CAST: variants seen among roughly 807,000 people sequenced by gnomAD.
The protein encoded by CAST is MIR583 host.
Under a neutral mutation model 119.6 loss-of-function variants are expected in CAST, and 76 were observed. That is an observed-to-expected ratio of 0.64 (90% CI 0.53 to 0.77). The LOEUF is 0.77. CAST is among the 30% of genes least tolerant of loss of function. CAST has a pLI of 0.00. For synonymous variants in CAST, 319 were observed against 331.6 expected (o/e 0.96, Z 0.41); for missense variants, 953 against 946.5 (o/e 1.01, Z -0.09).
chr5:96,742,442 T>C (rs1762884683), intron 15 of CAST: 7 of 542,168 alleles, frequency 1.3e-5, no homozygotes, highest in Admixed American at 9.7e-5. Flanking sequence ...ACGCTGTTAC[T>C]GTAGAAACGT....
the CAST span, among the ~76,000 whole-genome samples, chr5:96,376,712 C>T: frequency 5.9e-3 from 904 of 152,264 alleles, 9 homozygotes; most frequent in African/African-American, 0.02. Context: ...AGTGCTGGGA[C>T]TGCAGAAGTT....
chr5:96,214,520 A>T, the CAST span, among the ~76,000 whole-genome samples: 1 of 152,234 alleles, frequency 6.6e-6, no homozygotes, highest in Non-Finnish European at 1.5e-5. Context: ...TAAGTTCTGA[A>T]TGAATTGCAA....
chr5:96,306,112 TCTCAA>T, the CAST span, among the ~76,000 whole-genome samples: 1 of 152,174 alleles, frequency 6.6e-6, no homozygotes, highest in Non-Finnish European at 1.5e-5. Flanking sequence ...TTAATTGCTG[TCTCAA>T]TTTCAGAACT....
At chr5:96,299,692 C>A in the CAST span, among the ~76,000 whole-genome samples, 2 of 152,140 alleles carry the variant, frequency 1.3e-5, no homozygotes, top group African/African-American at 2.4e-5. Flanking sequence ...ACATCCATAG[C>A]ATGTGGTTTG....
intron 27 of CAST, among the ~76,000 whole-genome samples, chr5:96,766,613 C>G (rs989020689): frequency 6.6e-6 from 1 of 152,162 alleles, no homozygotes. Flanking sequence ...TGAAGACAGG[C>G]AAAGCAATAT....
chr5:95,971,868 A>G, the CAST span, among the ~76,000 whole-genome samples: 1 of 152,068 alleles, frequency 6.6e-6, no homozygotes, highest in Non-Finnish European at 1.5e-5. Flanking sequence ...TTTACATTAT[A>G]CCCAATTTTG....
rs152007 is a variant in CAST, at chr5:96,685,095, A to G, written c.138+9494A>G. Among the ~76,000 whole-genome samples, 111 of 151,710 alleles carry G rather than the reference A, an allele frequency of 7.3e-4. 2 individuals are homozygous for G. In the South Asian group the frequency reaches 0.023, roughly 31 times the overall value. The stretch of plus-strand genomic sequence containing the variant: ...CAACATTATATCATACAATAATAAT[A>G]TACCCTTCATTATCTTATTTTAGAT... On this transcript the variant is annotated intron_variant, in intron 2 of 31. Transcript: ENST00000675179.
chr5:96,496,863 A>AT, the CAST span, among the ~76,000 whole-genome samples: 16 of 151,122 alleles, frequency 1.1e-4, no homozygotes, highest in East Asian at 7.8e-4. Flanking sequence ...TTAGTGCTGT[A>AT]TTTTTTTTTA....
the CAST span, among the ~76,000 whole-genome samples, chr5:96,169,171 T>TA: frequency 6.6e-6 from 1 of 152,046 alleles, no homozygotes; most frequent in African/African-American, 2.4e-5. Context: ...GCACGTGTGT[T>TA]TTTATGAGAA....
the CAST span, among the ~76,000 whole-genome samples, chr5:96,167,675 G>A: frequency 2.0e-5 from 3 of 152,184 alleles, no homozygotes; most frequent in Non-Finnish European, 4.4e-5. Flanking sequence ...CTGTATAGAG[G>A]TGGGAAGGCC....
At chr5:96,614,703 C>T (rs1054134541) in intron 1 of CAST, among the ~76,000 whole-genome samples, 1 of 151,598 alleles carries the variant, frequency 6.6e-6, no homozygotes, top group Non-Finnish European at 1.5e-5. Context: ...CAGCCTCTCC[C>T]CAGGGGTGCC....
At chr5:96,739,188 C>G (rs1040565905) in intron 11 of CAST, among the ~76,000 whole-genome samples, 4 of 152,186 alleles carry the variant, frequency 2.6e-5, no homozygotes, top group Non-Finnish European at 5.9e-5. Context: ...GAAAGTCTGA[C>G]AATTCCTATA....
chr5:96,414,094 G>A, the CAST span, among the ~76,000 whole-genome samples: 256 of 144,610 alleles, frequency 1.8e-3, 1 homozygote, highest in African/African-American at 6.1e-3. Context: ...AGCCGAGATC[G>A]CGCCACTGCA....
At chr5:96,772,444 GCT>G in intron 31 of CAST, 194 bp from the exon 32 acceptor site, 1 of 152,324 alleles carries the variant, frequency 6.6e-6, no homozygotes, top group South Asian at 2.1e-4. Context: ...GAAAAAAGGA[GCT>G]ATATTAGGTA....
chr5:96,036,967 G>A, the CAST span, among the ~76,000 whole-genome samples: 1 of 152,122 alleles, frequency 6.6e-6, no homozygotes, highest in Non-Finnish European at 1.5e-5. Context: ...AAAGAGAGGA[G>A]AGTCAGGAAT....
At chr5:96,375,916 T>TATATAAATATAAATATATATAA in the CAST span, among the ~76,000 whole-genome samples, 1 of 146,570 alleles carries the variant, frequency 6.8e-6, no homozygotes, top group Non-Finnish European at 1.5e-5. Flanking sequence ...TATATATAAA[T>TATATAAATATAAATATATATAA]ATATAAATAT....
the CAST span, chr5:96,432,991 C>A: frequency 3.1e-6 from 5 of 1,614,204 alleles, no homozygotes; most frequent in African/African-American, 1.3e-5. Context: ...GCACACCAAG[C>A]GCAAAAGAGG....
At chr5:96,722,283 A>T (rs1561522849) in intron 3 of CAST, among the ~76,000 whole-genome samples, 1 of 152,234 alleles carries the variant, frequency 6.6e-6, no homozygotes, top group Non-Finnish European at 1.5e-5. Flanking sequence ...CATAAACAGT[A>T]ATTATAATAA....
chr5:96,177,899 C>G, the CAST span, among the ~76,000 whole-genome samples: 1 of 152,160 alleles, frequency 6.6e-6, no homozygotes, highest in Non-Finnish European at 1.5e-5. Context: ...CAGAAATCTT[C>G]CTGTAATTTT....
Sources: gnomAD v4.1 joint callset for allele counts (sites outside exome capture counted in the v4.1 genomes callset) on GRCh38, gnomAD v4.1.1 for gene constraint, MANE v1.5 for transcripts, NCBI Gene and HGNC (gene_info 2026-07-23, HGNC 2026-07-21) for gene names.